PTPRK: variants seen among roughly 807,000 people sequenced by gnomAD.
PTPRK encodes protein tyrosine phosphatase receptor type K, also known as receptor-type tyrosine-protein phosphatase kappa.
A neutral mutation model predicts 178.0 loss-of-function variants in PTPRK; 75 were observed. That is an observed-to-expected ratio of 0.42 (90% CI 0.35 to 0.51). The LOEUF (loss-of-function observed/expected upper bound fraction) is 0.51. Among genes scored for constraint, PTPRK ranks in the 20% least tolerant of loss-of-function variants. The probability of loss-of-function intolerance (pLI) is 0.02; values close to 1 mark genes in which losing one functional copy is unlikely to be tolerated. For missense variants in PTPRK, 1,441 were observed against 1,797.8 expected, an observed-to-expected ratio of 0.80 and a Z score of 3.59; for synonymous variants, 637 against 620.6, an observed-to-expected ratio of 1.03 and a Z score of -0.39.
At chr6:128,291,849 T>C (rs770972708) in intron 3 of PTPRK, among the ~76,000 whole-genome samples, 1 of 152,154 alleles carries the variant, frequency 6.6e-6, no homozygotes, top group Non-Finnish European at 1.5e-5. Context: ...ATATTTATGC[T>C]ACAGTGTGGC....
intron 10 of PTPRK, among the ~76,000 whole-genome samples, chr6:128,081,842 A>G (rs925620048): frequency 2.6e-5 from 4 of 152,068 alleles, no homozygotes; most frequent in Non-Finnish European, 5.9e-5. Context: ...AAGCTCTGTA[A>G]ACAATCTAGT....
chr6:128,314,764 C>T (rs1029857449), intron 3 of PTPRK, among the ~76,000 whole-genome samples: 1 of 151,514 alleles, frequency 6.6e-6, no homozygotes, highest in African/African-American at 2.4e-5. Flanking sequence ...GGATATTAAA[C>T]ACAGGTCAAA....
At chr6:128,394,839 A>C (rs964177146) in intron 2 of PTPRK, among the ~76,000 whole-genome samples, 2 of 152,102 alleles carry the variant, frequency 1.3e-5, no homozygotes, top group Non-Finnish European at 2.9e-5. Context: ...CTTTCATTCT[A>C]ATCTATTTAT....
chr6:128,000,139 C>T (rs1777634994), intron 15 of PTPRK: 1 of 1,000,016 alleles, frequency 1.0e-6, no homozygotes, highest in African/African-American at 1.8e-5. Context: ...CCGTCATACT[C>T]ATTAACAGAA....
chr6:128,141,013 A>G lies in PTPRK; in HGVS notation c.1162+43419T>C, dbSNP rs557132360. On this transcript the variant is annotated intron_variant, in intron 7 of 29. Coordinates refer to ENST00000368226, the MANE Select transcript of PTPRK (RefSeq NM_002844.4). ...TCCCTCTTTTCTTCTAGTAAACCTA[A>G]TAACTTGCACCTTTACACATAATGA... Among the ~76,000 whole-genome samples, 205 of 152,038 alleles carry G rather than the reference A, an allele frequency of 1.3e-3. 1 individual carries two copies. Among genetic ancestry groups the G allele is most frequent in the African/African-American group, 4.5e-3 (186 of 41,554 alleles).
chr6:128,339,689 T>C (rs1305468878), intron 2 of PTPRK, among the ~76,000 whole-genome samples: 1 of 152,128 alleles, frequency 6.6e-6, no homozygotes, highest in African/African-American at 2.4e-5. Context: ...TATCCTTCTG[T>C]ACCTAAGAAA....
At chr6:127,981,436 CT>C in intron 24 of PTPRK, 147 bp from the exon 25 acceptor site, 1 of 657,712 alleles carries the variant, frequency 1.5e-6, no homozygotes. Flanking sequence ...GCTGATAGAC[CT>C]TGTAGTTAAA....
intron 3 of PTPRK, among the ~76,000 whole-genome samples, chr6:128,255,817 G>A (rs757919850): frequency 1.3e-5 from 2 of 152,220 alleles, no homozygotes; most frequent in Non-Finnish European, 2.9e-5. Context: ...GCTAAAATGT[G>A]AGAACCATTC....
At chr6:128,445,585 C>T (rs1467224133) in intron 1 of PTPRK, among the ~76,000 whole-genome samples, 3 of 151,440 alleles carry the variant, frequency 2.0e-5, no homozygotes, top group East Asian at 3.9e-4. Flanking sequence ...GCATTAAATG[C>T]ATGTAGTTCT....
At chr6:128,297,257 C>T (rs1824626181) in intron 3 of PTPRK, among the ~76,000 whole-genome samples, 1 of 152,068 alleles carries the variant, frequency 6.6e-6, no homozygotes, top group South Asian at 2.1e-4. Flanking sequence ...GAGACTTAGA[C>T]TCCCACACAA....
At chr6:128,003,149 G>C in intron 15 of PTPRK, 1 of 1,545,094 alleles carries the variant, frequency 6.5e-7, no homozygotes, top group Non-Finnish European at 8.9e-7. Flanking sequence ...CCCATGCAAG[G>C]AGGTGTGATC....
At chr6:128,053,044 A>G (rs1315534804) in intron 13 of PTPRK, among the ~76,000 whole-genome samples, 1 of 151,886 alleles carries the variant, frequency 6.6e-6, no homozygotes, top group Admixed American at 6.6e-5. Context: ...AGCCCCAGGT[A>G]CTTTTATTGG....
chr6:128,102,226 T>C (rs1043630386), intron 7 of PTPRK, among the ~76,000 whole-genome samples: 7 of 152,212 alleles, frequency 4.6e-5, no homozygotes, highest in African/African-American at 1.7e-4. Context: ...AGTATCTTTA[T>C]CAAATAATTA....
chr6:128,497,257 T>C (rs1854814195), intron 1 of PTPRK, among the ~76,000 whole-genome samples: 1 of 152,164 alleles, frequency 6.6e-6, no homozygotes, highest in Non-Finnish European at 1.5e-5. Flanking sequence ...AAAAATAACA[T>C]TAAACTCACT....
chr6:128,453,008 A>C (rs921925077), intron 1 of PTPRK, among the ~76,000 whole-genome samples: 2 of 152,216 alleles, frequency 1.3e-5, no homozygotes, highest in African/African-American at 4.8e-5. Flanking sequence ...CCTCAGAGTT[A>C]ATAACAGCTG....
chr6:128,113,771 G>A (rs575652566), intron 7 of PTPRK, among the ~76,000 whole-genome samples: 1 of 152,092 alleles, frequency 6.6e-6, no homozygotes. Flanking sequence ...GTAAACAAAT[G>A]CTTCTGTGTA....
At chr6:128,237,187 T>C (rs1167379044) in intron 5 of PTPRK, among the ~76,000 whole-genome samples, 1 of 152,248 alleles carries the variant, frequency 6.6e-6, no homozygotes, top group East Asian at 1.9e-4. Context: ...TTCTAGTCTT[T>C]GTTACTTTAG....
intron 10 of PTPRK, 26 bp from the exon 11 acceptor site, chr6:128,078,944 A>T (rs1453677153): frequency 1.4e-6 from 2 of 1,471,930 alleles, no homozygotes; most frequent in Admixed American, 3.4e-5. Flanking sequence ...TGAGATAAAA[A>T]AGGTTCAATT....
intron 5 of PTPRK, chr6:128,232,028 T>A (rs1812386699): frequency 6.6e-6 from 1 of 152,208 alleles, no homozygotes; most frequent in African/African-American, 2.4e-5. Flanking sequence ...AACAGAAGCC[T>A]CTTCCTCTTC....
Sources: gnomAD v4.1 joint callset for allele counts (sites outside exome capture counted in the v4.1 genomes callset) on GRCh38, gnomAD v4.1.1 for gene constraint, MANE v1.5 for transcripts, NCBI Gene and HGNC (gene_info 2026-07-23, HGNC 2026-07-21) for gene names.